ETV6: variants seen among roughly 807,000 people sequenced by gnomAD.
The protein encoded by ETV6 is transcription factor ETV6.
In ETV6, 16 loss-of-function variants were observed where a neutral mutation model predicts 51.1. The observed-to-expected ratio is 0.31, with a 90% CI of 0.21 to 0.48. The LOEUF is 0.48. Ranked by LOEUF, ETV6 falls within the 20% of genes least tolerant of loss-of-function variation. ETV6 has a pLI of 0.99. For synonymous variants in ETV6, 240 were observed against 224.1 expected (o/e 1.07, Z -0.64); for missense variants, 458 against 594.8 (o/e 0.77, Z 2.39).
chr12:11,862,835 C>T (rs747778931), intron 4 of ETV6, among the ~76,000 whole-genome samples: 6 of 152,074 alleles, frequency 3.9e-5, no homozygotes, highest in Admixed American at 2.0e-4. Flanking sequence ...CATAAGAGAC[C>T]GGGAGTGGTA....
At chr12:11,726,054 G>A (rs1258605149) in intron 1 of ETV6, among the ~76,000 whole-genome samples, 1 of 152,218 alleles carries the variant, frequency 6.6e-6, no homozygotes, top group Non-Finnish European at 1.5e-5. Context: ...GGCAAGAATT[G>A]TATATTAGCT....
At chr12:11,673,016 C>G (rs1864348487) in intron 1 of ETV6, among the ~76,000 whole-genome samples, 1 of 152,208 alleles carries the variant, frequency 6.6e-6, no homozygotes, top group African/African-American at 2.4e-5. Flanking sequence ...GGAGGACTTT[C>G]CAGACGAAAT....
At position 11,895,289 on chromosome 12, in the gene ETV6, GAAA is replaced by G. The variant is rs71057779; in HGVS notation, c.*4251_*4253del. The G allele has an allele frequency of 1.1e-5, 2 of 180,744 alleles. No homozygotes were observed. Among genetic ancestry groups the G allele is most frequent in the East Asian group, 8.1e-5 (1 of 12,398 alleles). 11.2% of individuals were successfully genotyped at this position (180,744 alleles called of 1,614,324 possible). On this transcript the variant is annotated 3_prime_UTR_variant, in exon 8 of 8. Coordinates refer to ENST00000396373, the MANE Select transcript of ETV6 (RefSeq NM_001987.5). ...TGAATCAAATGAATGTAACAAAAAAGAAAAAAAAAACAAAAAAAAATGCCTTTT... is the reference window on the plus strand; with the variant it reads ...TGAATCAAATGAATGTAACAAAAAAGAAAAAAACAAAAAAAAATGCCTTTT...
At chr12:11,791,164 A>G (rs968894429) in intron 2 of ETV6, among the ~76,000 whole-genome samples, 1 of 152,108 alleles carries the variant, frequency 6.6e-6, no homozygotes, top group African/African-American at 2.4e-5. Flanking sequence ...TGCTAAGTAA[A>G]TTACCACCGG....
In ETV6 at chr12:11,732,767, C is replaced by A. The variant is rs542338883; in HGVS notation, c.34-19683C>A. On this transcript the variant is annotated intron_variant, in intron 1 of 7. Transcript: ENST00000396373. ...CCTGTCCCTGAGCCTGAACACATGACCCTGGATGTCAGAAGATGCTCTTCT... is the reference window on the plus strand; with the variant it reads ...CCTGTCCCTGAGCCTGAACACATGAACCTGGATGTCAGAAGATGCTCTTCT... Among the ~76,000 whole-genome samples, 342 of 152,298 alleles carry A rather than the reference C, an allele frequency of 2.2e-3. 4 individuals are homozygous for A. Among genetic ancestry groups the A allele is most frequent in the African/African-American group, 7.8e-3 (326 of 41,546 alleles).
At chr12:11,811,954 T>C (rs1429817358) in intron 2 of ETV6, among the ~76,000 whole-genome samples, 1 of 152,216 alleles carries the variant, frequency 6.6e-6, no homozygotes, top group Non-Finnish European at 1.5e-5. Flanking sequence ...AATCACCTAC[T>C]TAAGAATTTT....
intron 3 of ETV6, among the ~76,000 whole-genome samples, chr12:11,841,465 A>G (rs1428109599): frequency 1.3e-5 from 2 of 152,196 alleles, no homozygotes; most frequent in African/African-American, 2.4e-5. Flanking sequence ...GAACAGCATC[A>G]CCAAGTATAT....
Position 11,869,106 on chromosome 12 carries a change from G to T in ETV6, c.464-318G>T, listed in dbSNP as rs1326409974. On this transcript the variant is annotated intron_variant, in intron 4 of 7. Transcript: ENST00000396373. The surrounding 1 kb of genome is among the most constrained non-coding windows in gnomAD (Gnocchi z 5.0). Reference sequence around the variant, plus strand: ...AAAAAATTAGCCGAGCATGGTGGTGGGCGCCTGTAGTCCCAGCTACTCGGG... The same window carrying T: ...AAAAAATTAGCCGAGCATGGTGGTGTGCGCCTGTAGTCCCAGCTACTCGGG... Among the ~76,000 whole-genome samples, 2 of 151,906 alleles carry T rather than the reference G, an allele frequency of 1.3e-5. No homozygotes were observed. The highest frequency in any genetic ancestry group is 4.8e-5 in the African/African-American group (2 of 41,350).
At chr12:11,707,238 G>A (rs1865089128) in intron 1 of ETV6, among the ~76,000 whole-genome samples, 1 of 152,192 alleles carries the variant, frequency 6.6e-6, no homozygotes, top group Non-Finnish European at 1.5e-5. Flanking sequence ...CACATTCCCT[G>A]CTTCTCAAAT....
intron 3 of ETV6, among the ~76,000 whole-genome samples, chr12:11,843,229 T>C (rs960888786): frequency 8.5e-5 from 13 of 152,358 alleles, no homozygotes; most frequent in African/African-American, 3.1e-4. Context: ...AAGACCCATC[T>C]GATGAAGGGG....
intron 1 of ETV6, among the ~76,000 whole-genome samples, chr12:11,675,068 T>G (rs559285103): frequency 6.6e-6 from 1 of 152,364 alleles, no homozygotes; most frequent in African/African-American, 2.4e-5. Flanking sequence ...TGTCTGTTAA[T>G]AGTTGTAGAC....
rs1427477703 is a variant in ETV6, at chr12:11,892,849, A to AGAT, written c.*1805_*1807dup. 3.0e-5 allele frequency: 7 copies of AGAT among 232,948 alleles called. No individual in the cohort carries two copies. The highest frequency in any genetic ancestry group is 6.0e-5 in the East Asian group (1 of 16,560). The allele number at this position is 232,948 out of a possible 1,614,324, so 14.4% of individuals were successfully genotyped here. A position where few individuals can be genotyped will look rare whatever the true frequency, so the allele number is the denominator to read the frequency against. ...AAGGACACCAACCTAGGGTGCAAAC[A>AGAT]GATGGACTATGGTTCAAGGACACTG... is the stretch of plus-strand genomic sequence containing the variant. On this transcript the variant is annotated 3_prime_UTR_variant, in exon 8 of 8. Transcript: ENST00000396373.
intron 2 of ETV6, among the ~76,000 whole-genome samples, chr12:11,831,189 T>TTG (rs553485682): frequency 4.0e-5 from 6 of 151,678 alleles, no homozygotes; most frequent in South Asian, 4.2e-4. Context: ...TTTAAATAGT[T>TTG]TGTGTGTGTG....
chr12:11,713,009 A>C (rs1591626204), intron 1 of ETV6, among the ~76,000 whole-genome samples: 1 of 151,552 alleles, frequency 6.6e-6, no homozygotes, highest in Non-Finnish European at 1.5e-5. Context: ...CCTGCCCTTC[A>C]CCTCCCACCT....
Position 11,895,195 on chromosome 12 carries a change from T to TC in ETV6, c.*4151dup, listed in dbSNP as rs535227753. ...TGCAAACCAGAACGACTCTAGAATTTCCTTCCCCGCCCCCCTTTTTGTTTA... is the reference window on the plus strand; with the variant it reads ...TGCAAACCAGAACGACTCTAGAATTTCCCTTCCCCGCCCCCCTTTTTGTTTA... On this transcript the variant is annotated 3_prime_UTR_variant, in exon 8 of 8. Transcript: ENST00000396373. 1.5e-3 allele frequency: 358 copies of TC among 232,668 alleles called. No individual in the cohort carries two copies. Among genetic ancestry groups the TC allele is most frequent in the African/African-American group, 7.3e-3 (329 of 45,348 alleles). 14.4% of individuals were successfully genotyped at this position (232,668 alleles called of 1,614,324 possible).
chr12:11,890,650 C>T (rs1289797622), intron 7 of ETV6, among the ~76,000 whole-genome samples: 1 of 151,718 alleles, frequency 6.6e-6, no homozygotes, highest in Non-Finnish European at 1.5e-5. Flanking sequence ...GTCTCAAACT[C>T]CTAGGTTCAA....
chr12:11,856,675 C>T (rs1304270522), intron 4 of ETV6, among the ~76,000 whole-genome samples: 2 of 152,162 alleles, frequency 1.3e-5, no homozygotes, highest in African/African-American at 4.8e-5. Flanking sequence ...TACTTCCTCT[C>T]TCTCTCCCTT....
At chr12:11,758,280 G>A (rs2710288) in intron 2 of ETV6, among the ~76,000 whole-genome samples, 107,221 of 151,974 alleles carry the variant, frequency 0.71, 38,687 homozygotes, top group Admixed American at 0.81. Context: ...GCTCATTTAT[G>A]TATAGCACCT....
In ETV6 at chr12:11,892,108, A is replaced by ATTTAT. The variant is rs927723371; in HGVS notation, c.*1066_*1070dup. On this transcript the variant is annotated 3_prime_UTR_variant, in exon 8 of 8. Coordinates refer to ENST00000396373, the MANE Select transcript of ETV6 (RefSeq NM_001987.5). ...TGGGCAAAAATATTCTGCAGTGGGG[A>ATTTAT]TTTATTTTTCCAAAGCAGGTAACAG... 2 of 231,020 alleles carry ATTTAT rather than the reference A, an allele frequency of 8.7e-6. No individual in the cohort carries two copies. Among genetic ancestry groups the ATTTAT allele is most frequent in the Middle Eastern group, 1.2e-3 (1 of 804 alleles). 14.3% of individuals were successfully genotyped at this position (231,020 alleles called of 1,614,324 possible). A position where few individuals can be genotyped will look rare whatever the true frequency, so the allele number is the denominator to read the frequency against.
Sources: allele counts gnomAD v4.1 joint callset (sites outside exome capture counted in the v4.1 genomes callset), GRCh38; gene constraint gnomAD v4.1.1; non-coding constraint Gnocchi (gnomAD v3.1); transcripts MANE v1.5; gene names NCBI Gene and HGNC (gene_info 2026-07-23, HGNC 2026-07-21).